The following CPB2 variants were observed in gnomAD, a reference collection of about 807,000 sequenced individuals.
CPB2 encodes carboxypeptidase B-like protein.
A neutral mutation model predicts 57.0 loss-of-function variants in CPB2; 54 were observed. That is an observed-to-expected ratio of 0.95 (90% CI 0.76 to 1.19). CPB2 has a LOEUF of 1.19. CPB2 is among the 50% of genes most tolerant of loss of function. The pLI, the probability that CPB2 is intolerant of heterozygous loss-of-function variation, is 0.00. For missense variants in CPB2, 426 were observed against 512.0 expected, an observed-to-expected ratio of 0.83 and a Z score of 1.62; for synonymous variants, 189 against 178.1, an observed-to-expected ratio of 1.06 and a Z score of -0.49.
intron 5 of CPB2, among the ~76,000 whole-genome samples, chr13:46,075,435 G>T (rs180985885): frequency 6.6e-6 from 1 of 152,366 alleles, no homozygotes; most frequent in East Asian, 1.9e-4. Flanking sequence ...GATCAAGTAA[G>T]AGTAGGACCA....
intron 2 of CPB2, among the ~76,000 whole-genome samples, chr13:46,087,219 G>A (rs1284292683): frequency 2.0e-5 from 3 of 152,324 alleles, no homozygotes; most frequent in Admixed American, 1.3e-4. Flanking sequence ...AGAAGGGGGC[G>A]GGACTTTTAC....
intron 10 of CPB2, among the ~76,000 whole-genome samples, chr13:46,054,156 A>C (rs2044647285): frequency 6.6e-6 from 1 of 152,170 alleles, no homozygotes; most frequent in Non-Finnish European, 1.5e-5. Context: ...AATTCTGATA[A>C]TTTTATGGGC....
chr13:46,086,129 C>T (rs753257505), intron 2 of CPB2, among the ~76,000 whole-genome samples: 12 of 152,158 alleles, frequency 7.9e-5, no homozygotes, highest in Non-Finnish European at 1.3e-4. Context: ...CGTCAGGAAC[C>T]ACAGAGCCCT....
chr13:46,075,580 A>G (rs1454165986), intron 5 of CPB2, among the ~76,000 whole-genome samples: 1 of 152,214 alleles, frequency 6.6e-6, no homozygotes, highest in Non-Finnish European at 1.5e-5. Flanking sequence ...CTGATTGACC[A>G]ACTCAGTGAC....
chr13:46,074,875 G>A lies in CPB2; in HGVS notation c.487-898C>T, dbSNP rs929670974. Among the ~76,000 whole-genome samples, 23 of 152,170 alleles carry A rather than the reference G, an allele frequency of 1.5e-4. 1 individual carries two copies. The highest frequency in any genetic ancestry group is 4.6e-4 in the African/African-American group (19 of 41,432). On this transcript the variant is annotated intron_variant, in intron 5 of 10. Transcript: ENST00000181383. ...TGCAACCTAAATCCTTTGCATGCGC[G>A]GTTCACAGTGGGGTTTGTGCTCCTA...
At chr13:46,080,971 CAAAA>C (rs11412601) in intron 4 of CPB2, among the ~76,000 whole-genome samples, 1 of 98,624 alleles carries the variant, frequency 1.0e-5, no homozygotes. Flanking sequence ...AACTCTGTCT[CAAAA>C]AAAAAAAAAA....
chr13:46,104,891 A>G, intron 1 of CPB2, 45 bp downstream of exon 1: 1 of 1,611,874 alleles, frequency 6.2e-7, no homozygotes, highest in African/African-American at 1.3e-5. Context: ...GAGGCAAACA[A>G]GTGAGGAGAG....
chr13:46,061,164 AT>A (rs2044767312), intron 8 of CPB2, among the ~76,000 whole-genome samples: 2 of 152,348 alleles, frequency 1.3e-5, no homozygotes, highest in Admixed American at 1.3e-4. Flanking sequence ...ACAATTAAAA[AT>A]TGTTAAAATG....
At chr13:46,059,405 A>AG (rs1248862871) in intron 8 of CPB2, among the ~76,000 whole-genome samples, 1 of 152,204 alleles carries the variant, frequency 6.6e-6, no homozygotes, top group Non-Finnish European at 1.5e-5. Flanking sequence ...TTTATTAGCT[A>AG]TATGGCTTTG....
At chr13:46,072,174 T>C (rs556465446) in intron 6 of CPB2, among the ~76,000 whole-genome samples, 1 of 152,302 alleles carries the variant, frequency 6.6e-6, no homozygotes, top group Non-Finnish European at 1.5e-5. Context: ...TCTCAAAGTG[T>C]AGTGTAGTGG....
chr13:46,064,006 G>A (rs1165066929), intron 8 of CPB2, among the ~76,000 whole-genome samples: 1 of 151,966 alleles, frequency 6.6e-6, no homozygotes, highest in Non-Finnish European at 1.5e-5. Context: ...CCACTCCTGT[G>A]AGCCACTTTG....
At chr13:46,073,802 C>G in intron 6 of CPB2, 71 bp downstream of exon 6, 1 of 946,632 alleles carries the variant, frequency 1.1e-6, no homozygotes. Flanking sequence ...ATAAATAGCC[C>G]AGTTGAGTCT....
intron 5 of CPB2, 83 bp downstream of exon 5, chr13:46,078,717 C>T: frequency 1.1e-6 from 1 of 918,494 alleles, no homozygotes; most frequent in South Asian, 1.4e-5. Flanking sequence ...TCAAAGGAAA[C>T]AAACTCAAGT....
chr13:46,058,090 G>T, intron 9 of CPB2, 89 bp downstream of exon 9: 3 of 1,216,654 alleles, frequency 2.5e-6, no homozygotes, highest in Non-Finnish European at 3.5e-6. Context: ...CCTTCTAGAG[G>T]ACAAAATTTT....
chr13:46,057,602 G>A (rs1260672618), intron 9 of CPB2, among the ~76,000 whole-genome samples: 1 of 152,152 alleles, frequency 6.6e-6, no homozygotes, highest in South Asian at 2.1e-4. Context: ...GGACTAAAAA[G>A]TGCTAAGGGA....
In CPB2 at chr13:46,104,942, A is replaced by C; in HGVS notation, c.68T>G (p.Phe23Cys). The C allele has an allele frequency of 5.6e-6, 9 of 1,613,992 alleles. No homozygotes were observed. Among genetic ancestry groups the C allele is most frequent in the Non-Finnish European group, 7.6e-6 (9 of 1,179,894 alleles). Residue 23 changes from phenylalanine to cysteine, a missense_variant, in exon 1 of 11, where the codon TTT (phenylalanine) becomes TGT (cysteine). Phe to Cys is a radical substitution (Grantham distance 205). Coordinates refer to ENST00000181383, the MANE Select transcript of CPB2 (RefSeq NM_001872.5). ...VLFCEQHVFAFQSGQVLAALP... is the reference protein window; with the variant it reads ...VLFCEQHVFACQSGQVLAALP... ...TAAGATTCTATTGGGTTACCTCTGA[A>C]ACGCGAAGACATGCTGCTCACAGAA... is the stretch of plus-strand genomic sequence containing the variant.
At chr13:46,104,000 A>C (rs532151075) in intron 1 of CPB2, among the ~76,000 whole-genome samples, 50 of 152,372 alleles carry the variant, frequency 3.3e-4, no homozygotes, top group South Asian at 1.0e-3. Context: ...AGATCAATCA[A>C]CTATAATCAG....
chr13:46,099,503 C>A (rs2045407579), intron 1 of CPB2: 1 of 152,138 alleles, frequency 6.6e-6, no homozygotes, highest in African/African-American at 2.4e-5. Context: ...ACAATTTGAG[C>A]TAACCATGAG....
chr13:46,102,540 C>CAAAAAAAAAAA (rs10624204), intron 1 of CPB2, among the ~76,000 whole-genome samples: 2 of 108,226 alleles, frequency 1.8e-5, no homozygotes, highest in African/African-American at 3.5e-5. Context: ...ATGATTATGA[C>CAAAAAAAAAAA]AAAAAAAAAA....
Sources: allele counts gnomAD v4.1 joint callset (sites outside exome capture counted in the v4.1 genomes callset), GRCh38; gene constraint gnomAD v4.1.1; transcripts MANE v1.5; gene names NCBI Gene and HGNC (gene_info 2026-07-23, HGNC 2026-07-21).